The following RGS7 variants were observed in gnomAD, a reference collection of about 807,000 sequenced individuals.
RGS7 encodes the protein regulator of G protein signaling 7, also known as regulator of G-protein signaling 7.
In RGS7, 27 loss-of-function variants were observed where a neutral mutation model predicts 81.1. The observed-to-expected ratio is 0.33, with a 90% confidence interval of 0.25 to 0.46. The LOEUF is 0.46. RGS7 is among the 20% of genes least tolerant of loss of function. The pLI is 1.00. For missense variants in RGS7, 396 were observed against 607.4 expected (o/e 0.65, Z 3.66); for synonymous variants, 208 against 207.7 (o/e 1.00, Z -0.01).
chr1:241,228,807 A>T (rs2075476786), intron 2 of RGS7, among the ~76,000 whole-genome samples: 1 of 149,836 alleles, frequency 6.7e-6, no homozygotes, highest in South Asian at 2.1e-4. Flanking sequence ...AGGTAAGTTT[A>T]CTTTATGCCT....
intron 9 of RGS7, among the ~76,000 whole-genome samples, chr1:240,839,741 GAAAAA>G (rs1695297603): frequency 6.6e-6 from 1 of 152,076 alleles, no homozygotes; most frequent in African/African-American, 2.4e-5. Context: ...GATTCTTTTG[GAAAAA>G]GCCTGCCAGA....
At chr1:240,865,941 T>C (rs569692654) in intron 9 of RGS7, among the ~76,000 whole-genome samples, 1 of 152,288 alleles carries the variant, frequency 6.6e-6, no homozygotes, top group South Asian at 2.1e-4. Context: ...ATCATCTTTG[T>C]CTATTAACTC....
At chr1:240,920,100 G>T (rs1238787952) in intron 6 of RGS7, 2 of 923,146 alleles carry the variant, frequency 2.2e-6, no homozygotes, top group African/African-American at 3.2e-5. Context: ...CTTTGCCTTT[G>T]TAATCTTTGA....
intron 2 of RGS7, among the ~76,000 whole-genome samples, chr1:241,330,244 T>C (rs1180522480): frequency 2.0e-5 from 3 of 152,198 alleles, no homozygotes; most frequent in African/African-American, 4.8e-5. Context: ...CGGCCCTTGA[T>C]GGCAATTGCT....
intron 6 of RGS7, among the ~76,000 whole-genome samples, chr1:240,899,259 T>C (rs1669583944): frequency 6.6e-6 from 1 of 152,226 alleles, no homozygotes. Context: ...CTGTGTCTTT[T>C]AATTGAAGCA....
At chr1:241,290,890 A>G (rs1003698848) in intron 2 of RGS7, among the ~76,000 whole-genome samples, 1 of 152,220 alleles carries the variant, frequency 6.6e-6, no homozygotes, top group Non-Finnish European at 1.5e-5. Context: ...ATATGGCATT[A>G]CAACTTACAA....
intron 4 of RGS7, among the ~76,000 whole-genome samples, chr1:240,944,666 G>A (rs540668077): frequency 2.0e-5 from 3 of 152,240 alleles, no homozygotes; most frequent in African/African-American, 7.2e-5. Context: ...AAGTCATGGG[G>A]CTTAAATTCT....
intron 9 of RGS7, among the ~76,000 whole-genome samples, chr1:240,850,251 G>C (rs748733847): frequency 5.9e-5 from 9 of 152,160 alleles, no homozygotes; most frequent in Non-Finnish European, 8.8e-5. Context: ...AAGTTTACTG[G>C]TGCCATTTTT....
chr1:240,839,715 C>G (rs1314766278), intron 9 of RGS7, among the ~76,000 whole-genome samples: 1 of 152,176 alleles, frequency 6.6e-6, no homozygotes, highest in Non-Finnish European at 1.5e-5. Flanking sequence ...ATGATGCACT[C>G]TCTTGTCTAC....
At chr1:241,289,084 G>A (rs375526005) in intron 2 of RGS7, among the ~76,000 whole-genome samples, 5 of 152,264 alleles carry the variant, frequency 3.3e-5, no homozygotes, top group East Asian at 3.9e-4. Flanking sequence ...AGTAAGTCAC[G>A]ATACTAACCT....
chr1:241,030,317 T>TTGGAATAA (rs1247949436), intron 3 of RGS7, among the ~76,000 whole-genome samples: 1 of 147,796 alleles, frequency 6.8e-6, no homozygotes, highest in African/African-American at 2.5e-5. Flanking sequence ...CCCACAGGGC[T>TTGGAATAA]TGGAATAATG....
chr1:241,008,522 T>G (rs756788117), intron 3 of RGS7, among the ~76,000 whole-genome samples: 7 of 152,148 alleles, frequency 4.6e-5, no homozygotes, highest in Non-Finnish European at 7.4e-5. Context: ...GGAGTGTAAA[T>G]CAACTCTGAG....
intron 2 of RGS7, among the ~76,000 whole-genome samples, chr1:241,195,462 G>C (rs1286522656): frequency 1.3e-5 from 2 of 151,970 alleles, no homozygotes; most frequent in Admixed American, 1.3e-4. Flanking sequence ...GGTGAAAAGA[G>C]CAAGACTCCA....
intron 4 of RGS7, among the ~76,000 whole-genome samples, chr1:240,944,272 GTGTGTGTGTGTATATATATATATATATA>G (rs1460886084): frequency 0.014 from 514 of 37,216 alleles, 28 homozygotes; most frequent in African/African-American, 0.028. Context: ...GTGTGTGTGT[GTGTGTGTGTGTATATATATATATATATA>G]TATATATATA....
intron 3 of RGS7, among the ~76,000 whole-genome samples, chr1:240,987,787 C>A (rs1439355647): frequency 6.6e-6 from 1 of 152,096 alleles, no homozygotes; most frequent in African/African-American, 2.4e-5. Flanking sequence ...GCTTCAGCCT[C>A]CCAAAGCACT....
chr1:241,205,435 GA>G (rs1332540531), intron 2 of RGS7, among the ~76,000 whole-genome samples: 1 of 151,108 alleles, frequency 6.6e-6, no homozygotes, highest in Non-Finnish European at 1.5e-5. Context: ...TAGCTAGTGG[GA>G]AAAAATTAAT....
chr1:240,884,208 C>T (rs1482662717), intron 6 of RGS7, among the ~76,000 whole-genome samples: 1 of 151,778 alleles, frequency 6.6e-6, no homozygotes, highest in African/African-American at 2.4e-5. Flanking sequence ...TTCATTCAGG[C>T]ATGAGTTATA....
intron 6 of RGS7, among the ~76,000 whole-genome samples, chr1:240,897,822 T>G (rs1437771745): frequency 1.3e-5 from 2 of 152,196 alleles, no homozygotes; most frequent in Non-Finnish European, 2.9e-5. Context: ...GGATTCCTTC[T>G]TTTTCTATTG....
intron 2 of RGS7, among the ~76,000 whole-genome samples, chr1:241,296,188 G>A (rs189752668): frequency 1.3e-5 from 2 of 152,152 alleles, no homozygotes; most frequent in Middle Eastern, 3.4e-3. Flanking sequence ...GGAGGAGGAA[G>A]AAGGGGAAGA....
Sources: gnomAD v4.1 joint callset for allele counts (sites outside exome capture counted in the v4.1 genomes callset) on GRCh38, gnomAD v4.1.1 for gene constraint, MANE v1.5 for transcripts, NCBI Gene and HGNC (gene_info 2026-07-23, HGNC 2026-07-21) for gene names.